CTNNA2: variants seen among roughly 807,000 people sequenced by gnomAD.
The protein encoded by CTNNA2 is catenin alpha 2.
A neutral mutation model predicts 101.0 loss-of-function variants in CTNNA2; 42 were observed. The ratio of observed to expected loss-of-function variants is 0.42; its 90% CI spans 0.32 to 0.54. CTNNA2 has a LOEUF of 0.54. Among genes scored for constraint, CTNNA2 ranks in the 20% least tolerant of loss-of-function variants. CTNNA2 has a pLI of 0.14. For synonymous variants in CTNNA2, 450 were observed against 456.4 expected, an observed-to-expected ratio of 0.99 and a Z score of 0.18; for missense variants, 871 against 1,223.1, an observed-to-expected ratio of 0.71 and a Z score of 4.29.
At chr2:80,405,922 T>C (rs991159098) in intron 8 of CTNNA2, among the ~76,000 whole-genome samples, 13 of 152,228 alleles carry the variant, frequency 8.5e-5, no homozygotes, top group African/African-American at 2.9e-4. Context: ...TTTTCACGAA[T>C]GCATCAATCC....
At chr2:79,740,404 A>G (rs1190550298) in intron 2 of CTNNA2, among the ~76,000 whole-genome samples, 2 of 152,200 alleles carry the variant, frequency 1.3e-5, no homozygotes, top group Non-Finnish European at 2.9e-5. Context: ...AGGAACCCTA[A>G]GATCTCCTAT....
At chr2:80,613,699 G>A (rs1199914632) in intron 17 of CTNNA2, among the ~76,000 whole-genome samples, 1 of 151,330 alleles carries the variant, frequency 6.6e-6, no homozygotes, top group Non-Finnish European at 1.5e-5. Flanking sequence ...TAATGCATAG[G>A]GAAATACTAT....
intron 4 of CTNNA2, among the ~76,000 whole-genome samples, chr2:79,403,909 T>C (rs1434424958): frequency 6.6e-6 from 1 of 152,004 alleles, no homozygotes; most frequent in Non-Finnish European, 1.5e-5. Flanking sequence ...ACACACCTGG[T>C]TGTATATATC....
intron 2 of CTNNA2, among the ~76,000 whole-genome samples, chr2:79,683,389 C>T (rs1301156183): frequency 1.3e-5 from 2 of 152,042 alleles, no homozygotes; most frequent in Non-Finnish European, 2.9e-5. Flanking sequence ...TTTTTTCTGC[C>T]TCAATTTCCC....
At position 80,213,118 on chromosome 2, in the gene CTNNA2, G is replaced by C. The variant is rs184201906; in HGVS notation, c.1057-180093G>C. Among the ~76,000 whole-genome samples, 38 of 151,716 alleles carry C rather than the reference G, an allele frequency of 2.5e-4. No individual in the cohort carries two copies. In the East Asian group the frequency reaches 7.2e-3, roughly 29 times the overall value. On this transcript the variant is annotated intron_variant, in intron 7 of 18. Transcript: ENST00000402739. ...TTCTTCTCTCTTTTCTTCTTTATTT[G>C]TCTTGCTAGCGGCCCATCAATTTTG... is the stretch of plus-strand genomic sequence containing the variant.
At chr2:80,061,547 C>T (rs1008745000) in intron 7 of CTNNA2, among the ~76,000 whole-genome samples, 5 of 152,166 alleles carry the variant, frequency 3.3e-5, no homozygotes, top group African/African-American at 1.2e-4. Context: ...CTAACTAACT[C>T]ACCATCAGGG....
At chr2:80,118,294 A>G in intron 7 of CTNNA2, among the ~76,000 whole-genome samples, 1 of 152,318 alleles carries the variant, frequency 6.6e-6, no homozygotes, top group African/African-American at 2.4e-5. Context: ...ATATAGGAAG[A>G]CCAAAGCCTT....
At chr2:79,217,625 T>A (rs1170321591) in intron 2 of CTNNA2, among the ~76,000 whole-genome samples, 4 of 152,148 alleles carry the variant, frequency 2.6e-5, no homozygotes, top group Non-Finnish European at 4.4e-5. Flanking sequence ...ATGTCATCAG[T>A]TAAGGCAGGA....
chr2:80,194,407 T>C (rs1011274321), intron 7 of CTNNA2, among the ~76,000 whole-genome samples: 1 of 152,152 alleles, frequency 6.6e-6, no homozygotes, highest in Non-Finnish European at 1.5e-5. Context: ...GCAACTATAC[T>C]AAGTTTAGCA....
At chr2:79,904,377 G>A (rs778569609) in intron 6 of CTNNA2, among the ~76,000 whole-genome samples, 7 of 151,898 alleles carry the variant, frequency 4.6e-5, no homozygotes, top group Non-Finnish European at 7.4e-5. Context: ...CTATTGGGAG[G>A]GTTAGGTGAC....
At chr2:80,227,921 T>C (rs1482041432) in intron 7 of CTNNA2, among the ~76,000 whole-genome samples, 1 of 151,726 alleles carries the variant, frequency 6.6e-6, no homozygotes, top group Non-Finnish European at 1.5e-5. Flanking sequence ...GATCTAGATA[T>C]GGGGAAGTGT....
At chr2:79,398,053 T>C (rs1380041614) in intron 4 of CTNNA2, among the ~76,000 whole-genome samples, 1 of 152,172 alleles carries the variant, frequency 6.6e-6, no homozygotes, top group African/African-American at 2.4e-5. Context: ...GTTAAAATTC[T>C]CTTGGCTCTA....
intron 5 of CTNNA2, among the ~76,000 whole-genome samples, chr2:79,507,371 C>T (rs1671435439): frequency 6.6e-6 from 1 of 151,956 alleles, no homozygotes; most frequent in African/African-American, 2.4e-5. Flanking sequence ...TGGATTAATG[C>T]CATTACTGAG....
intron 7 of CTNNA2, among the ~76,000 whole-genome samples, chr2:80,076,158 C>A (rs1428413973): frequency 1.3e-5 from 2 of 152,104 alleles, no homozygotes; most frequent in South Asian, 2.1e-4. Flanking sequence ...TACAAGTATT[C>A]ATTGAAGGCC....
chr2:80,086,569 C>T (rs1330903011), intron 7 of CTNNA2, among the ~76,000 whole-genome samples: 1 of 152,008 alleles, frequency 6.6e-6, no homozygotes, highest in Admixed American at 6.6e-5. Context: ...ACTTAGGAAT[C>T]ATGGAATTGG....
At chr2:80,410,688 G>A (rs1047880686) in intron 8 of CTNNA2, among the ~76,000 whole-genome samples, 1 of 152,142 alleles carries the variant, frequency 6.6e-6, no homozygotes, top group Non-Finnish European at 1.5e-5. Flanking sequence ...TACATTGCCT[G>A]TTTACTGGAG....
In CTNNA2 at chr2:79,405,011, A is replaced by G. The variant is rs1414845223; in HGVS notation, c.-135+30998A>G. 3.9e-5 allele frequency among the ~76,000 whole-genome samples: 6 copies of G among 152,190 alleles called. No homozygotes were observed. In the East Asian group the frequency reaches 9.7e-4, roughly 25 times the overall value. On this transcript the variant is annotated intron_variant, in intron 4 of 21. Transcript: ENST00000466387. ...TCAAAGGTTTTAAGTATATTTATGA[A>G]TTATAATTTGCTTCTAACCAATAGA...
At chr2:80,378,761 A>T (rs897607441) in intron 7 of CTNNA2, 2 of 152,194 alleles carry the variant, frequency 1.3e-5, no homozygotes, top group African/African-American at 4.8e-5. Flanking sequence ...GGCTTGGAAG[A>T]CAGGGAGTAG....
chr2:80,029,874 A>G (rs577846802), intron 7 of CTNNA2, among the ~76,000 whole-genome samples: 99 of 152,262 alleles, frequency 6.5e-4, no homozygotes, highest in African/African-American at 2.1e-3. Context: ...CCCATTTAGC[A>G]AAAATATCCA....
Sources: gnomAD v4.1 joint callset for allele counts (sites outside exome capture counted in the v4.1 genomes callset) on GRCh38, gnomAD v4.1.1 for gene constraint, MANE v1.5 for transcripts, NCBI Gene and HGNC (gene_info 2026-07-23, HGNC 2026-07-21) for gene names.